Variants in CENPU observed in about 807,000 individuals in gnomAD.
CENPU encodes the protein KSHV latent nuclear antigen interacting protein 1.
CENPU carries 46 observed loss-of-function variants against 56.7 expected under a neutral mutation model. The observed-to-expected ratio is 0.81, with a 90% confidence interval of 0.64 to 1.04. The LOEUF is 1.04. CENPU is among the 50% of genes least tolerant of loss of function. CENPU has a pLI of 0.00. For synonymous variants in CENPU, 166 were observed against 163.0 expected (o/e 1.02, Z -0.14); for missense variants, 510 against 490.1 (o/e 1.04, Z -0.38).
rs763630861 is a variant in CENPU at position 184,702,371 on chromosome 4, T to C, written c.868A>G (p.Ile290Val). The change falls in exon 9 of 13, where the codon ATC (isoleucine) becomes GTC (valine). Residue 290 changes from isoleucine to valine, a missense_variant. By Grantham distance (29) the Ile-to-Val change is conservative. Transcript: ENST00000281453. ...CATGTCCGTGAGCTTACCATTTTGA[T>C]GAATTGTTCTTTAACATTAACATAA... The part of the protein sequence containing the change: ...TFYVNVKEQF[I>V]KMLKESQMLT... The C allele has an allele frequency of 3.1e-6, 5 of 1,611,650 alleles. No individual in the cohort carries two copies. In the Admixed American group the frequency reaches 8.4e-5, roughly 27 times the overall value.
At chr4:184,718,408 A>G (rs1761165223) in intron 4 of CENPU, among the ~76,000 whole-genome samples, 1 of 152,242 alleles carries the variant, frequency 6.6e-6, no homozygotes, top group Non-Finnish European at 1.5e-5. Flanking sequence ...TAACTGCCTC[A>G]GTGTCTACTC....
intron 1 of CENPU, chr4:184,733,169 C>T: frequency 5.1e-6 from 1 of 197,840 alleles, no homozygotes; most frequent in Non-Finnish European, 9.1e-6. Context: ...ACATTCTCTT[C>T]TAATCCTTTT....
At chr4:184,701,848 AT>A (rs1286682694) in intron 10 of CENPU, among the ~76,000 whole-genome samples, 22 of 152,234 alleles carry the variant, frequency 1.4e-4, no homozygotes, top group Admixed American at 1.3e-3. Context: ...GTCTTTAATT[AT>A]AAAAACAATT....
chr4:184,731,761 C>T (rs7680639), intron 1 of CENPU, among the ~76,000 whole-genome samples: 120,347 of 152,094 alleles, frequency 0.79, 48,445 homozygotes, highest in East Asian at 1. Context: ...CATTTGTAGA[C>T]AGCAAAATCA....
chr4:184,729,129 C>A, intron 2 of CENPU, 94 bp from the exon 3 acceptor site: 6 of 959,766 alleles, frequency 6.3e-6, no homozygotes, highest in South Asian at 2.9e-5. Flanking sequence ...TCACTGCTGC[C>A]TAAGGAAGCA....
At chr4:184,707,818 T>C (rs2150209147) in intron 8 of CENPU, among the ~76,000 whole-genome samples, 1 of 152,284 alleles carries the variant, frequency 6.6e-6, no homozygotes, top group South Asian at 2.1e-4. Context: ...ATCCGAAACC[T>C]TACCAGAAGC....
intron 4 of CENPU, among the ~76,000 whole-genome samples, chr4:184,718,195 T>C (rs915919393): frequency 5.3e-5 from 8 of 152,136 alleles, no homozygotes; most frequent in African/African-American, 1.9e-4. Context: ...AGCCAACAAG[T>C]AAGCACAGCA....
intron 8 of CENPU, among the ~76,000 whole-genome samples, chr4:184,703,672 A>G (rs1579761741): frequency 6.6e-6 from 1 of 152,258 alleles, no homozygotes; most frequent in Non-Finnish European, 1.5e-5. Context: ...GTACATACAC[A>G]AAAGAATTGA....
rs1760161541 is a variant in CENPU at position 184,694,792 on chromosome 4, G to T, written c.*496C>A. On this transcript the variant is annotated 3_prime_UTR_variant, in exon 13 of 13. Coordinates refer to ENST00000281453, the MANE Select transcript of CENPU (RefSeq NM_024629.4). ...ATTACAAGAGTAACTAATTCACTATGAACACTTTTGTCACCAGGCTATAAT... is the reference window on the plus strand; with the variant it reads ...ATTACAAGAGTAACTAATTCACTATTAACACTTTTGTCACCAGGCTATAAT... 4 of 1,592,872 alleles carry T rather than the reference G, an allele frequency of 2.5e-6. No individual in the cohort carries two copies. Among genetic ancestry groups the T allele is most frequent in the South Asian group, 2.2e-5 (2 of 90,026 alleles).
chr4:184,731,079 C>T, intron 1 of CENPU, 111 bp from the exon 2 acceptor site: 1 of 742,126 alleles, frequency 1.3e-6, no homozygotes, highest in East Asian at 3.2e-5. Flanking sequence ...AACAAGAACC[C>T]ATATTCCACA....
chr4:184,712,834 TG>T, intron 7 of CENPU, 109 bp downstream of exon 7: 2 of 728,764 alleles, frequency 2.7e-6, no homozygotes, highest in Non-Finnish European at 2.3e-6. Context: ...TTTTTAAAAG[TG>T]GCAATTTTAT....
At chr4:184,712,866 T>C in intron 7 of CENPU, 78 bp downstream of exon 7, 8 of 1,010,036 alleles carry the variant, frequency 7.9e-6, no homozygotes, top group Non-Finnish European at 1.2e-5. Flanking sequence ...TTTACTACTA[T>C]AACAAATTAA....
At position 184,725,949 on chromosome 4, in the gene CENPU, A is replaced by G. The variant is rs373810401; in HGVS notation, c.215-887T>C. ...CTTAACGCAGGGGTAGAGAGCTTGG[A>G]GAAGAAGAGGTGGCCAGTGGTGACA... On this transcript the variant is annotated intron_variant, in intron 3 of 12. Coordinates refer to ENST00000281453, the MANE Select transcript of CENPU (RefSeq NM_024629.4). Among the ~76,000 whole-genome samples the G allele has an allele frequency of 1.5e-4, 23 of 152,188 alleles. No homozygotes were observed. The East Asian group carries it at 2.9e-3, about 19-fold the overall frequency.
intron 11 of CENPU, chr4:184,699,507 G>C: frequency 4.1e-6 from 5 of 1,223,064 alleles, no homozygotes; most frequent in Non-Finnish European, 5.4e-6. Context: ...CAGGAAGCTT[G>C]TAAATGTTAG....
At position 184,694,213 on chromosome 4, in the gene CENPU, G is replaced by C; in HGVS notation, c.*1075C>G. 1 of 1,076,052 alleles carries C rather than the reference G, an allele frequency of 9.3e-7. No homozygotes were observed. Among genetic ancestry groups the C allele is most frequent in the Non-Finnish European group, 1.1e-6 (1 of 886,490 alleles). 66.7% of individuals were successfully genotyped at this position (1,076,052 alleles called of 1,614,324 possible). A position where few individuals can be genotyped will look rare whatever the true frequency, so the allele number is the denominator to read the frequency against. On this transcript the variant is annotated 3_prime_UTR_variant, in exon 13 of 13. Coordinates refer to ENST00000281453, the MANE Select transcript of CENPU (RefSeq NM_024629.4). ...TTATCTTCTGATTTGTCTTCAGCTG[G>C]ACTGTCCACTTGTTAAAAAATTAAA...
At chr4:184,698,909 G>A (rs938282408) in intron 11 of CENPU, among the ~76,000 whole-genome samples, 1 of 152,148 alleles carries the variant, frequency 6.6e-6, no homozygotes, top group Non-Finnish European at 1.5e-5. Context: ...ACCTCCCTGT[G>A]CCTTAGGTTT....
At chr4:184,705,893 T>C (rs1165885920) in intron 8 of CENPU, among the ~76,000 whole-genome samples, 1 of 152,160 alleles carries the variant, frequency 6.6e-6, no homozygotes, top group Non-Finnish European at 1.5e-5. Flanking sequence ...TTCCGTGAAG[T>C]ATTCGAAGTA....
chr4:184,728,473 T>C (rs1761530616), intron 3 of CENPU, among the ~76,000 whole-genome samples: 3 of 152,170 alleles, frequency 2.0e-5, no homozygotes, highest in Admixed American at 2.0e-4. Context: ...AGCCTGGTAC[T>C]GGCCTTTTAC....
chr4:184,695,484 A>G, intron 12 of CENPU, 83 bp from the exon 13 acceptor site: 2 of 864,418 alleles, frequency 2.3e-6, no homozygotes, highest in South Asian at 2.8e-5. Context: ...GACTAATGCA[A>G]ATTTTGATTG....
Sources: allele counts gnomAD v4.1 joint callset (sites outside exome capture counted in the v4.1 genomes callset), GRCh38; gene constraint gnomAD v4.1.1; transcripts MANE v1.5; gene names NCBI Gene and HGNC (gene_info 2026-07-23, HGNC 2026-07-21).